The following CELF2 variants were observed in gnomAD, a reference collection of about 807,000 sequenced individuals.
The protein encoded by CELF2 is CUGBP Elav-like family member 2, also known as CUG triplet repeat RNA-binding protein 2.
Under a neutral mutation model 62.6 loss-of-function variants are expected in CELF2, and 8 were observed. That is an observed-to-expected ratio of 0.13 (90% CI 0.07 to 0.23). The LOEUF is 0.23. CELF2 is among the 10% of genes least tolerant of loss of function. The probability of loss-of-function intolerance (pLI) is 1.00; values close to 1 mark genes in which losing one functional copy is unlikely to be tolerated. For synonymous variants in CELF2, 258 were observed against 250.0 expected, an observed-to-expected ratio of 1.03 and a Z score of -0.30; for missense variants, 333 against 671.0, an observed-to-expected ratio of 0.50 and a Z score of 5.56.
chr10:10,613,202 A>C, the CELF2 span, among the ~76,000 whole-genome samples: 599 of 152,272 alleles, frequency 3.9e-3, 2 homozygotes, highest in African/African-American at 0.014. Context: ...TGGAATTACA[A>C]AGGGAGTTTT....
chr10:10,898,469 C>T (rs572095997), intron 1 of CELF2, among the ~76,000 whole-genome samples: 255 of 152,284 alleles, frequency 1.7e-3, no homozygotes, highest in African/African-American at 6.0e-3. Context: ...GCTGGAGTGG[C>T]TCTATTAGTA....
chr10:10,694,187 G>A, the CELF2 span, among the ~76,000 whole-genome samples: 314 of 151,840 alleles, frequency 2.1e-3, 1 homozygote, highest in Non-Finnish European at 2.6e-3. Flanking sequence ...CTTTCAATGC[G>A]TCCCAGAGAT....
chr10:11,262,153 C>T (rs1355198694), intron 5 of CELF2, among the ~76,000 whole-genome samples: 1 of 152,182 alleles, frequency 6.6e-6, no homozygotes, highest in African/African-American at 2.4e-5. Flanking sequence ...CCTGCCAAAA[C>T]CCTTGACAAA....
At chr10:11,029,346 C>T (rs765300662) in intron 1 of CELF2, among the ~76,000 whole-genome samples, 4 of 152,194 alleles carry the variant, frequency 2.6e-5, no homozygotes, top group East Asian at 1.9e-4. Flanking sequence ...AGATCAGAGT[C>T]TCCACAGAAT....
chr10:10,593,877 A>C, the CELF2 span, among the ~76,000 whole-genome samples: 2 of 152,206 alleles, frequency 1.3e-5, no homozygotes, highest in African/African-American at 4.8e-5. Flanking sequence ...CCATCTGTGA[A>C]GTGGATACAA....
At chr10:10,701,344 C>T in the CELF2 span, among the ~76,000 whole-genome samples, 1,290 of 152,342 alleles carry the variant, frequency 8.5e-3, 7 homozygotes, top group African/African-American at 0.012. Flanking sequence ...ATGTCAATTA[C>T]TGGAAGTCTC....
intron 1 of CELF2, among the ~76,000 whole-genome samples, chr10:11,146,588 T>G (rs2062324232): frequency 6.6e-6 from 1 of 152,220 alleles, no homozygotes; most frequent in Non-Finnish European, 1.5e-5. Flanking sequence ...TGGAGAAGAA[T>G]AACGTGGGGT....
chr10:10,743,099 C>A, the CELF2 span, among the ~76,000 whole-genome samples: 2 of 152,180 alleles, frequency 1.3e-5, no homozygotes, highest in East Asian at 3.8e-4. Context: ...GATATTAGAT[C>A]CCACAGAGTT....
chr10:10,953,274 T>C (rs1228132989), intron 2 of CELF2, among the ~76,000 whole-genome samples: 1 of 152,218 alleles, frequency 6.6e-6, no homozygotes, highest in East Asian at 1.9e-4. Flanking sequence ...TCATGTCATT[T>C]CAGAAACTTT....
At chr10:11,226,194 C>T (rs532314446) in intron 3 of CELF2, among the ~76,000 whole-genome samples, 69 of 152,334 alleles carry the variant, frequency 4.5e-4, no homozygotes, top group South Asian at 2.7e-3. Context: ...TTCACAACTC[C>T]ACAGGACATC....
At chr10:11,182,564 G>A (rs1322621813) in intron 2 of CELF2, among the ~76,000 whole-genome samples, 1 of 152,170 alleles carries the variant, frequency 6.6e-6, no homozygotes, top group Non-Finnish European at 1.5e-5. Flanking sequence ...TAACATGGAG[G>A]AAAATTTATT....
At chr10:10,777,214 G>A in the CELF2 span, among the ~76,000 whole-genome samples, 2 of 152,136 alleles carry the variant, frequency 1.3e-5, no homozygotes, top group Admixed American at 6.5e-5. Flanking sequence ...GATACACCTC[G>A]CTCGATTGAT....
chr10:10,779,365 A>T, the CELF2 span, among the ~76,000 whole-genome samples: 92 of 152,352 alleles, frequency 6.0e-4, no homozygotes, highest in South Asian at 0.018. Flanking sequence ...TGCACTTCGC[A>T]CATGTAAAAA....
At chr10:11,001,315 G>C (rs1230776250), upstream of CELF2, among the ~76,000 whole-genome samples, 1 of 152,206 alleles carries the variant, frequency 6.6e-6, no homozygotes, top group Non-Finnish European at 1.5e-5. Flanking sequence ...AGGCAGGCTA[G>C]ATTTGTGTAC....
intron 1 of CELF2, among the ~76,000 whole-genome samples, chr10:10,907,584 A>C (rs1005265815): frequency 1.3e-5 from 2 of 152,174 alleles, no homozygotes; most frequent in African/African-American, 4.8e-5. Flanking sequence ...TCATTTTATG[A>C]ATATTCTGTT....
the CELF2 span, among the ~76,000 whole-genome samples, chr10:10,539,565 T>C: frequency 6.6e-6 from 1 of 151,298 alleles, no homozygotes; most frequent in Admixed American, 6.6e-5. Context: ...GAGAAGGCCA[T>C]ATTCCCTGAA....
rs1315566830 is a variant in CELF2, at chr10:11,224,323, A to T, written c.354+6816A>T. ...CAGATTTGCAAAAGTGCCTTGTGTC[A>T]TTGCTTGAGGGATACTGGTATCTCA... is the stretch of plus-strand genomic sequence containing the variant. On this transcript the variant is annotated intron_variant, in intron 3 of 12. Transcript: ENST00000633077. The surrounding 1 kb of genome is among the most constrained non-coding windows in gnomAD (Gnocchi z 4.5). Among the ~76,000 whole-genome samples, 1 of 152,144 alleles carries T rather than the reference A, an allele frequency of 6.6e-6. No individual in the cohort carries two copies. Among genetic ancestry groups the T allele is most frequent in the African/African-American group, 2.4e-5 (1 of 41,432 alleles).
chr10:10,673,068 G>C, the CELF2 span, among the ~76,000 whole-genome samples: 5 of 151,884 alleles, frequency 3.3e-5, no homozygotes, highest in African/African-American at 9.7e-5. Flanking sequence ...AAATGGTATT[G>C]TGTTTCTAAT....
At chr10:10,561,245 C>T in the CELF2 span, among the ~76,000 whole-genome samples, 1 of 152,132 alleles carries the variant, frequency 6.6e-6, no homozygotes, top group African/African-American at 2.4e-5. Context: ...AGACCCATGA[C>T]TATTTGCCCT....
Sources: gnomAD v4.1 joint callset for allele counts (sites outside exome capture counted in the v4.1 genomes callset) on GRCh38, gnomAD v4.1.1 for gene constraint, Gnocchi (gnomAD v3.1) non-coding constraint, MANE v1.5 for transcripts, NCBI Gene and HGNC (gene_info 2026-07-23, HGNC 2026-07-21) for gene names.